The following EPHA5 variants were observed in gnomAD, a reference collection of about 807,000 sequenced individuals.
The protein encoded by EPHA5 is ephrin type-A receptor 5.
In EPHA5, 60 loss-of-function variants were observed where a neutral mutation model predicts 105.0. The observed-to-expected ratio is 0.57, with a 90% CI of 0.46 to 0.71. The LOEUF (loss-of-function observed/expected upper bound fraction) is 0.71. Ranked by LOEUF, EPHA5 falls within the 30% of genes least tolerant of loss-of-function variation. The probability of loss-of-function intolerance (pLI) is 0.00; values close to 1 mark genes in which losing one functional copy is unlikely to be tolerated. For synonymous variants in EPHA5, 513 were observed against 449.1 expected, an observed-to-expected ratio of 1.14 and a Z score of -1.80; for missense variants, 1,218 against 1,274.7, an observed-to-expected ratio of 0.96 and a Z score of 0.68.
chr4:65,534,476 A>AT (rs933789639), intron 3 of EPHA5, among the ~76,000 whole-genome samples: 24 of 152,340 alleles, frequency 1.6e-4, no homozygotes, highest in African/African-American at 5.8e-4. Context: ...ATAAAGAGAT[A>AT]TCCTTTTACC....
intron 14 of EPHA5, among the ~76,000 whole-genome samples, chr4:65,342,232 T>A (rs1318005624): frequency 6.6e-6 from 1 of 152,190 alleles, no homozygotes; most frequent in South Asian, 2.1e-4. Flanking sequence ...TTTTTATGTG[T>A]CATTTTTTTC....
chr4:65,605,789 C>A (rs2149448063), intron 2 of EPHA5, among the ~76,000 whole-genome samples: 2 of 152,220 alleles, frequency 1.3e-5, no homozygotes, highest in Middle Eastern at 6.8e-3. Flanking sequence ...TTAGTCCCAG[C>A]TCTTATAATA....
At chr4:65,642,380 C>T (rs1578666944) in intron 2 of EPHA5, among the ~76,000 whole-genome samples, 1 of 151,926 alleles carries the variant, frequency 6.6e-6, no homozygotes, top group Admixed American at 6.6e-5. Flanking sequence ...TGAAAGTATA[C>T]ATGTTATCAT....
intron 8 of EPHA5, among the ~76,000 whole-genome samples, chr4:65,389,846 G>A (rs892247965): frequency 3.3e-5 from 5 of 151,946 alleles, no homozygotes; most frequent in African/African-American, 1.2e-4. Flanking sequence ...AAGTTGGTCT[G>A]AACACAGCCT....
intron 3 of EPHA5, among the ~76,000 whole-genome samples, chr4:65,497,484 A>T (rs1340280782): frequency 1.4e-4 from 21 of 152,062 alleles, no homozygotes; most frequent in Non-Finnish European, 2.8e-4. Flanking sequence ...TGATTAGGAG[A>T]AGATTTAAAA....
At position 65,366,304 on chromosome 4, in the gene EPHA5, T is replaced by C. The variant is rs531758895; in HGVS notation, c.1862-247A>G. On this transcript the variant is annotated intron_variant, in intron 9 of 16. Transcript: ENST00000613740. ...TCTGAGAAAATACACCTCTCAATCA[T>C]AATACTTAGAAAGTCTCCAAGGCAA... 2.7e-4 allele frequency among the ~76,000 whole-genome samples: 41 copies of C among 151,952 alleles called. No homozygotes were observed. In the South Asian group the frequency reaches 8.1e-3, roughly 30 times the overall value.
intron 5 of EPHA5, among the ~76,000 whole-genome samples, chr4:65,469,500 A>C (rs965845318): frequency 6.6e-6 from 1 of 152,124 alleles, no homozygotes; most frequent in Non-Finnish European, 1.5e-5. Context: ...TATATAGGGC[A>C]ATTAAAAACA....
Position 65,500,724 on chromosome 4 carries a change from T to C in EPHA5, c.911-5181A>G, listed in dbSNP as rs980463755. ...AGAAATATGGCCCACCAAGAAAATG[T>C]TTTAAAAATATTAATATATATAATA... On this transcript the variant is annotated intron_variant, in intron 3 of 16. Transcript: ENST00000613740. Among the ~76,000 whole-genome samples, 4 of 150,640 alleles carry C rather than the reference T, an allele frequency of 2.7e-5. No homozygotes were observed. In the South Asian group the frequency reaches 8.3e-4, roughly 31 times the overall value.
intron 2 of EPHA5, among the ~76,000 whole-genome samples, chr4:65,614,592 C>T (rs1009344868): frequency 9.9e-5 from 15 of 151,806 alleles, no homozygotes; most frequent in African/African-American, 3.6e-4. Flanking sequence ...ATCACAAGCT[C>T]TTAATAATAT....
In EPHA5 at chr4:65,420,397, A is replaced by G. The variant is rs747186843; in HGVS notation, c.1527+44T>C. The stretch of plus-strand genomic sequence containing the variant: ...TGGATAATTGTAGTTGCTAAAATGA[A>G]AAAAAAAAGAAAGTGAGGACATTTT... On this transcript the variant is annotated intron_variant, in intron 6 of 16. Coordinates refer to ENST00000613740, the MANE Select transcript of EPHA5 (RefSeq NM_001281766.3). The G allele has an allele frequency of 2.0e-6, 3 of 1,506,318 alleles. No individual in the cohort carries two copies. In the Admixed American group the frequency reaches 7.0e-5, roughly 35 times the overall value. The allele number at this position is 1,506,318 out of a possible 1,614,324, so 93.3% of individuals were successfully genotyped here.
intron 5 of EPHA5, among the ~76,000 whole-genome samples, chr4:65,437,654 A>G (rs1209145227): frequency 6.6e-6 from 1 of 151,958 alleles, no homozygotes; most frequent in Non-Finnish European, 1.5e-5. Flanking sequence ...GTTTCTGATT[A>G]TGCAACTGGA....
intron 5 of EPHA5, among the ~76,000 whole-genome samples, chr4:65,439,047 AAG>A (rs1725762750): frequency 6.6e-6 from 1 of 152,136 alleles, no homozygotes; most frequent in African/African-American, 2.4e-5. Flanking sequence ...CAATCCTATG[AAG>A]TAGATACTAT....
chr4:65,618,137 G>T (rs995263384), intron 2 of EPHA5, among the ~76,000 whole-genome samples: 4 of 152,118 alleles, frequency 2.6e-5, no homozygotes, highest in African/African-American at 9.7e-5. Flanking sequence ...GACACAGATT[G>T]TCTTCCACTT....
chr4:65,539,220 G>A (rs1050346777), intron 3 of EPHA5, among the ~76,000 whole-genome samples: 2 of 151,654 alleles, frequency 1.3e-5, no homozygotes, highest in African/African-American at 4.8e-5. Flanking sequence ...TAAATGAGCT[G>A]TGGAAACTCT....
At chr4:65,620,953 C>T (rs1302599878) in intron 2 of EPHA5, among the ~76,000 whole-genome samples, 1 of 152,136 alleles carries the variant, frequency 6.6e-6, no homozygotes. Flanking sequence ...GAGGACTGAA[C>T]ATTCAGAGTT....
chr4:65,353,173 C>T (rs2148861118), intron 11 of EPHA5, 70 bp from the exon 12 acceptor site: 2 of 810,380 alleles, frequency 2.5e-6, no homozygotes, highest in Non-Finnish European at 1.8e-6. Context: ...AAAGCTTACC[C>T]AGAAGTTTTT....
intron 3 of EPHA5, among the ~76,000 whole-genome samples, chr4:65,501,468 C>T (rs1732479541): frequency 6.6e-6 from 1 of 151,432 alleles, no homozygotes; most frequent in African/African-American, 2.4e-5. Flanking sequence ...CCATAACATT[C>T]AAGCTGAGAG....
intron 5 of EPHA5, among the ~76,000 whole-genome samples, chr4:65,469,684 A>T (rs1272641923): frequency 6.6e-6 from 1 of 152,150 alleles, no homozygotes; most frequent in Non-Finnish European, 1.5e-5. Context: ...ACACAAAAAA[A>T]TTAGATATTT....
rs144509265 is a variant in EPHA5, at chr4:65,501,360, A to G, written c.911-5817T>C. ...TGTTATTATGTACTTAGAAAACCCTAGAAACTTCACCAAAAGTCTCCTGGA... is the reference window on the plus strand; with the variant it reads ...TGTTATTATGTACTTAGAAAACCCTGGAAACTTCACCAAAAGTCTCCTGGA... On this transcript the variant is annotated intron_variant, in intron 3 of 16. Transcript: ENST00000613740. Among the ~76,000 whole-genome samples, 9 of 151,652 alleles carry G rather than the reference A, an allele frequency of 5.9e-5. No homozygotes were observed. The East Asian group carries it at 1.7e-3, about 29-fold the overall frequency.
Sources: gnomAD v4.1 joint callset for allele counts (sites outside exome capture counted in the v4.1 genomes callset) on GRCh38, gnomAD v4.1.1 for gene constraint, MANE v1.5 for transcripts, NCBI Gene and HGNC (gene_info 2026-07-23, HGNC 2026-07-21) for gene names.